Variants in PTN observed in about 807,000 individuals in gnomAD.
PTN encodes the protein pleiotrophin.
PTN carries 18 observed loss-of-function variants against 24.1 expected under a neutral mutation model. The ratio of observed to expected loss-of-function variants is 0.75; its 90% CI spans 0.52 to 1.11. The LOEUF is 1.11. PTN is among the 50% of genes least tolerant of loss of function. The pLI, the probability that PTN is intolerant of heterozygous loss-of-function variation, is 0.00. For missense variants in PTN, 163 were observed against 198.8 expected, an observed-to-expected ratio of 0.82 and a Z score of 1.08; for synonymous variants, 78 against 68.6, an observed-to-expected ratio of 1.14 and a Z score of -0.67.
intron 1 of PTN, among the ~76,000 whole-genome samples, chr7:137,321,664 G>A (rs1214606747): frequency 6.6e-6 from 1 of 151,990 alleles, no homozygotes; most frequent in African/African-American, 2.4e-5. Context: ...TCTTCTTCTT[G>A]TCACAGCACT....
intron 4 of PTN, among the ~76,000 whole-genome samples, chr7:137,235,038 G>C (rs1245963158): frequency 2.0e-5 from 3 of 152,046 alleles, no homozygotes; most frequent in Admixed American, 6.6e-5. Context: ...CAGAGGTCAA[G>C]AGAGACAGCT....
intron 4 of PTN, among the ~76,000 whole-genome samples, chr7:137,231,622 A>G (rs943495895): frequency 6.6e-6 from 1 of 151,998 alleles, no homozygotes; most frequent in Non-Finnish European, 1.5e-5. Flanking sequence ...TATAACAAGC[A>G]TTCATGAAAT....
Position 137,227,953 on chromosome 7 carries a change from A to C in PTN, c.*67T>G, listed in dbSNP as rs1043829103. Reference sequence around the variant, plus strand: ...TTTTTGAATACAAAGCCTACGGTACATATAAATGCAATAGTTAACTGATCC... The same window carrying C: ...TTTTTGAATACAAAGCCTACGGTACCTATAAATGCAATAGTTAACTGATCC... On this transcript the variant is annotated 3_prime_UTR_variant, in exon 5 of 5. Coordinates refer to ENST00000348225, the MANE Select transcript of PTN (RefSeq NM_002825.7). The C allele has an allele frequency of 6.3e-7, 1 of 1,581,944 alleles. No individual in the cohort carries two copies. Among genetic ancestry groups the C allele is most frequent in the African/African-American group, 1.4e-5 (1 of 73,018 alleles).
intron 4 of PTN, among the ~76,000 whole-genome samples, chr7:137,233,023 T>C (rs911749688): frequency 1.3e-5 from 2 of 151,986 alleles, no homozygotes; most frequent in South Asian, 2.1e-4. Context: ...TATTTCTTCA[T>C]AGCAGCACGA....
intron 1 of PTN, among the ~76,000 whole-genome samples, chr7:137,259,866 T>G (rs1036570874): frequency 3.3e-5 from 5 of 152,078 alleles, no homozygotes; most frequent in African/African-American, 1.2e-4. Flanking sequence ...GCAATGTTGA[T>G]AATTAGGAAA....
At chr7:137,318,879 T>G (rs914081420) in intron 1 of PTN, 1 of 152,176 alleles carries the variant, frequency 6.6e-6, no homozygotes, top group Non-Finnish European at 1.5e-5. Flanking sequence ...CGGTAAGCAT[T>G]GCCCTCAATA....
intron 4 of PTN, among the ~76,000 whole-genome samples, chr7:137,236,800 T>C (rs1447950414): frequency 6.6e-6 from 1 of 152,174 alleles, no homozygotes; most frequent in African/African-American, 2.4e-5. Context: ...TGAAATGTAG[T>C]ATTATAAACA....
At chr7:137,341,836 A>G (rs1810538598) in intron 1 of PTN, among the ~76,000 whole-genome samples, 1 of 152,168 alleles carries the variant, frequency 6.6e-6, no homozygotes, top group Non-Finnish European at 1.5e-5. Flanking sequence ...AAAGCACAAA[A>G]GGATGGCATT....
chr7:137,316,404 G>C (rs761151744), intron 1 of PTN, among the ~76,000 whole-genome samples: 24 of 152,004 alleles, frequency 1.6e-4, no homozygotes, highest in Non-Finnish European at 3.1e-4. Context: ...CATATTCAGG[G>C]AACATAAGTC....
intron 1 of PTN, among the ~76,000 whole-genome samples, chr7:137,293,104 A>C (rs1317262103): frequency 6.6e-6 from 1 of 152,164 alleles, no homozygotes; most frequent in South Asian, 2.1e-4. Context: ...AAAATGTAAT[A>C]AGCCACAAGG....
intron 4 of PTN, among the ~76,000 whole-genome samples, chr7:137,240,794 G>A (rs1462576200): frequency 1.3e-5 from 2 of 152,212 alleles, no homozygotes; most frequent in African/African-American, 4.8e-5. Flanking sequence ...AAGAAACTTA[G>A]ATACCTGTAT....
intron 1 of PTN, among the ~76,000 whole-genome samples, chr7:137,277,702 TG>T (rs1487864430): frequency 6.6e-6 from 1 of 152,130 alleles, no homozygotes; most frequent in Non-Finnish European, 1.5e-5. Context: ...CTCAAGTAGC[TG>T]GGACTACAGG....
chr7:137,336,594 T>C (rs1035979087), intron 1 of PTN, among the ~76,000 whole-genome samples: 2 of 152,190 alleles, frequency 1.3e-5, no homozygotes, highest in African/African-American at 2.4e-5. Context: ...GAAAGGATTT[T>C]CAATCTGCAT....
chr7:137,311,022 A>C (rs1209026657), intron 1 of PTN, among the ~76,000 whole-genome samples: 1 of 152,110 alleles, frequency 6.6e-6, no homozygotes, highest in African/African-American at 2.4e-5. Flanking sequence ...ACTTGAGGTC[A>C]GAAGTTCGAA....
intron 1 of PTN, among the ~76,000 whole-genome samples, chr7:137,295,070 C>A (rs1809698158): frequency 6.6e-6 from 1 of 152,044 alleles, no homozygotes; most frequent in Non-Finnish European, 1.5e-5. Flanking sequence ...CCACTTGTGG[C>A]TATTAAGCCC....
At chr7:137,334,145 G>C (rs1005617597) in intron 1 of PTN, among the ~76,000 whole-genome samples, 20 of 151,512 alleles carry the variant, frequency 1.3e-4, no homozygotes, top group Non-Finnish European at 1.3e-4. Context: ...AGGACTTCAT[G>C]TCTAAAACAC....
intron 1 of PTN, among the ~76,000 whole-genome samples, chr7:137,333,956 T>C (rs1810403198): frequency 6.6e-6 from 1 of 152,144 alleles, no homozygotes; most frequent in Non-Finnish European, 1.5e-5. Context: ...ATTCCCTATT[T>C]AATAAATGGT....
chr7:137,267,674 G>A (rs900220288), intron 1 of PTN, among the ~76,000 whole-genome samples: 1 of 151,936 alleles, frequency 6.6e-6, no homozygotes, highest in Non-Finnish European at 1.5e-5. Flanking sequence ...TACCTGACCC[G>A]TGTCTCCTCG....
At chr7:137,307,598 ACT>A (rs1491474157) in intron 1 of PTN, among the ~76,000 whole-genome samples, 1 of 150,286 alleles carries the variant, frequency 6.7e-6, no homozygotes, top group Non-Finnish European at 1.5e-5. Flanking sequence ...TATGTCTATG[ACT>A]ATATATATAT....
Sources: gnomAD v4.1 joint callset for allele counts (sites outside exome capture counted in the v4.1 genomes callset) on GRCh38, gnomAD v4.1.1 for gene constraint, MANE v1.5 for transcripts, NCBI Gene and HGNC (gene_info 2026-07-23, HGNC 2026-07-21) for gene names.